Variants in TNFSF14 observed in about 807,000 individuals in gnomAD.
The protein encoded by TNFSF14 is TNF superfamily member 14, also known as tumor necrosis factor ligand superfamily member 14.
In TNFSF14, 15 loss-of-function variants were observed where a neutral mutation model predicts 22.7. That is an observed-to-expected ratio of 0.66 (90% CI 0.44 to 1.02). The LOEUF (loss-of-function observed/expected upper bound fraction) is 1.02. Ranked by LOEUF, TNFSF14 falls within the 50% of genes least tolerant of loss-of-function variation. The probability of loss-of-function intolerance (pLI) is 0.00; values close to 1 mark genes in which losing one functional copy is unlikely to be tolerated. For missense variants in TNFSF14, 287 were observed against 326.2 expected (o/e 0.88, Z 0.93); for synonymous variants, 133 against 139.6 (o/e 0.95, Z 0.33).
At chr19:6,669,255 G>A (rs1418085044) in intron 1 of TNFSF14, among the ~76,000 whole-genome samples, 6 of 152,224 alleles carry the variant, frequency 3.9e-5, no homozygotes, top group Admixed American at 1.3e-4. Context: ...AGGCTGAGGC[G>A]GGTGGATCTC....
chr19:6,664,999 A>G lies in TNFSF14; in HGVS notation c.650T>C (p.Val217Ala). 1 of 1,613,538 alleles carries G rather than the reference A, an allele frequency of 6.2e-7. No individual in the cohort carries two copies. Among genetic ancestry groups the G allele is most frequent in the Non-Finnish European group, 8.5e-7 (1 of 1,179,600 alleles). The stretch of plus-strand genomic sequence containing the variant: ...AACCAGGCGTTCATCCAGCACACGG[A>G]CGACCACCTTCTCCCCAGCCTCCAG... The part of the protein sequence containing the change: ...VHLEAGEKVV[V>A]RVLDERLVRL... The change falls in exon 4 of 4, where the codon GTC becomes GCC. Residue 217 changes from valine (V) to alanine (A), a missense_variant. Coordinates refer to ENST00000675206, the MANE Select transcript of TNFSF14 (RefSeq NM_001376887.1). This position sits in a 1 kb window ranked among gnomAD's most constrained non-coding sequence, Gnocchi z 4.7.
At chr19:6,670,427 C>A (rs778292631), upstream of TNFSF14, 21 of 376,434 alleles carry the variant, frequency 5.6e-5, no homozygotes, top group Non-Finnish European at 8.7e-5. Flanking sequence ...CCATGCCAGG[C>A]TCTGCTCTCG....
In TNFSF14 at chr19:6,665,363, G is replaced by C; in HGVS notation, c.299-13C>G. ...CTGGAGTTGGCCCCTGTTGGGAAGA[G>C]AGAGACAAAGGGGGCTGCCGGTCAG... is the stretch of plus-strand genomic sequence containing the variant. On this transcript the variant is annotated splice_polypyrimidine_tract_variant and intron_variant, in intron 3 of 3. Transcript: ENST00000675206. 6.5e-7 allele frequency: 1 copy of C among 1,538,852 alleles called. No homozygotes were observed. Among genetic ancestry groups the C allele is most frequent in the Non-Finnish European group, 8.7e-7 (1 of 1,144,202 alleles).
intron 3 of TNFSF14, among the ~76,000 whole-genome samples, chr19:6,666,422 A>C (rs1248796456): frequency 6.6e-6 from 1 of 151,910 alleles, no homozygotes; most frequent in African/African-American, 2.4e-5. Flanking sequence ...AAATGTCCAA[A>C]CATGCAAGTT....
At chr19:6,667,364 G>A in intron 2 of TNFSF14, 49 bp downstream of exon 2, 1 of 1,506,740 alleles carries the variant, frequency 6.6e-7, no homozygotes, top group South Asian at 1.3e-5. Flanking sequence ...GGTGGGGGTG[G>A]CATGGGAATC....
At position 6,665,275 on chromosome 19, in the gene TNFSF14, C is replaced by T. The variant is rs749922391; in HGVS notation, c.374G>A (p.Gly125Asp). 5 of 1,613,484 alleles carry T rather than the reference C, an allele frequency of 3.1e-6. No homozygotes were observed. In the South Asian group the frequency reaches 3.3e-5, roughly 11 times the overall value. ...AAGGGCCCCATCGTGGTAGCTGAGG[C>T]CCCTCAGGAAGGCCAGGCCCAGCTG... ...ETQLGLAFLR[G>D]LSYHDGALVV... The change falls in exon 4 of 4, where the codon GGC becomes GAC. Residue 125 changes from glycine to aspartate, a missense_variant. Gly to Asp is a moderately conservative substitution (Grantham distance 94). Transcript: ENST00000675206.
intron 3 of TNFSF14, 90 bp from the exon 4 acceptor site, chr19:6,665,440 G>C: frequency 1.5e-6 from 2 of 1,342,300 alleles, no homozygotes; most frequent in South Asian, 1.5e-5. Flanking sequence ...ACAGAGTCTC[G>C]CTCTGTGGAC....
In TNFSF14 at chr19:6,664,100, C is replaced by T. The variant is rs189420925; in HGVS notation, c.*826G>A. The T allele has an allele frequency of 6.0e-4, 91 of 152,354 alleles. No homozygotes were observed. The highest frequency in any genetic ancestry group is 2.2e-3 in the African/African-American group (91 of 41,530). 9.4% of individuals were successfully genotyped at this position (152,354 alleles called of 1,614,324 possible). ...TTGTGACCAGGCTGAGGTGTGGCCA[C>T]CAGTCTGTGGGTGGGATCTGAGTAT... On this transcript the variant is annotated 3_prime_UTR_variant, in exon 4 of 4. Transcript: ENST00000675206. This position sits in a 1 kb window ranked among gnomAD's most constrained non-coding sequence, Gnocchi z 4.7.
rs993387144 is a variant in TNFSF14 at position 6,670,126 on chromosome 19, C to T, written c.-57G>A. Reference sequence around the variant, plus strand: ...CTGGGTCCTTCAACCTCAGAGGAAACCGAAATTGCTCAACACTCCTGGGCT... The same window carrying T: ...CTGGGTCCTTCAACCTCAGAGGAAATCGAAATTGCTCAACACTCCTGGGCT... On this transcript the variant is annotated 5_prime_UTR_variant, in exon 1 of 4. Coordinates refer to ENST00000675206, the MANE Select transcript of TNFSF14 (RefSeq NM_001376887.1). 14 of 1,596,106 alleles carry T rather than the reference C, an allele frequency of 8.8e-6. No individual in the cohort carries two copies. The African/African-American group carries it at 1.9e-4, about 21-fold the overall frequency.
chr19:6,667,504 G>A (rs977485883), intron 1 of TNFSF14, 55 bp from the exon 2 acceptor site: 85 of 1,554,412 alleles, frequency 5.5e-5, no homozygotes, highest in Admixed American at 6.7e-5. Context: ...CCACGCCCTC[G>A]CATTGCTCAC....
At position 6,665,140 on chromosome 19, in the gene TNFSF14, G is replaced by A; in HGVS notation, c.509C>T (p.Thr170Ile). The A allele has an allele frequency of 6.2e-7, 1 of 1,614,032 alleles. No homozygotes were observed. The stretch of plus-strand genomic sequence containing the variant: ...CTCCAGCTCCTCGGGGTAGCGGGGT[G>A]TGCGCTTGTAGAGGCCGTGGGTGAT... ...STITHGLYKRTPRYPEELELL... is the reference protein window; with the variant it reads ...STITHGLYKRIPRYPEELELL... Residue 170 changes from threonine (T) to isoleucine (I), a missense_variant, in exon 4 of 4, where the codon ACA becomes ATA. Coordinates refer to ENST00000675206, the MANE Select transcript of TNFSF14 (RefSeq NM_001376887.1).
Position 6,669,977 on chromosome 19 carries a change from C to A in TNFSF14, c.93G>T (p.Gln31His). 6.2e-7 allele frequency: 1 copy of A among 1,614,228 alleles called. No homozygotes were observed. Among genetic ancestry groups the A allele is most frequent in the Non-Finnish European group, 8.5e-7 (1 of 1,180,044 alleles). Residue 31 changes from glutamine to histidine, a missense_variant, in exon 1 of 4, where the codon CAG (glutamine) becomes CAT (histidine). Transcript: ENST00000675206. ...FTRLGRSHRRQSCSVARVGLG... is the reference protein window; with the variant it reads ...FTRLGRSHRRHSCSVARVGLG... ...GACCCACCCGGGCCACACTGCACGA[C>A]TGTCTCCGGTGGCTTCGTCCCAGCC...
At chr19:6,665,782 TGC>T (rs1023705691) in intron 3 of TNFSF14, among the ~76,000 whole-genome samples, 5 of 130,482 alleles carry the variant, frequency 3.8e-5, no homozygotes, top group Admixed American at 1.5e-4. Flanking sequence ...TGTGCATGTG[TGC>T]GTGTGTGTGT....
rs1408237489 is a variant in TNFSF14 at position 6,661,576 on chromosome 19, GC to G, written c.*3349del. On this transcript the variant is annotated 3_prime_UTR_variant, in exon 4 of 4. Coordinates refer to ENST00000675206, the MANE Select transcript of TNFSF14 (RefSeq NM_001376887.1). ...TTGTCACAGTATCTTATCAGTAATC[GC>G]ATTCTTGGATGTGCTGGGAGTCAGC... 2 of 152,132 alleles carry G rather than the reference GC, an allele frequency of 1.3e-5. No individual in the cohort carries two copies. Among genetic ancestry groups the G allele is most frequent in the African/African-American group, 4.8e-5 (2 of 41,390 alleles). 9.4% of individuals were successfully genotyped at this position (152,132 alleles called of 1,614,324 possible).
chr19:6,667,574 G>A, intron 1 of TNFSF14, 125 bp from the exon 2 acceptor site: 2 of 1,032,832 alleles, frequency 1.9e-6, no homozygotes, highest in Non-Finnish European at 2.7e-6. Flanking sequence ...ACGTACACAG[G>A]GCCACATACT....
Position 6,665,322 on chromosome 19 carries a change from C to G in TNFSF14, c.327G>C (p.Gly109=), listed in dbSNP as rs1917384032. The G allele has an allele frequency of 6.3e-7, 1 of 1,597,188 alleles. No individual in the cohort carries two copies. Among genetic ancestry groups the G allele is most frequent in the African/African-American group, 1.3e-5 (1 of 74,674 alleles). ...TGANSSLTGS[G]GPLLWETQLG... ...GCTGAGTCTCCCATAACAGCGGCCC[C>G]CCGCTGCCGGTCAAGCTGGAGTTGG... Residue 109 remains glycine (G), a synonymous_variant, in exon 4 of 4, where the codon GGG becomes GGC. Coordinates refer to ENST00000675206, the MANE Select transcript of TNFSF14 (RefSeq NM_001376887.1).
In TNFSF14 at chr19:6,664,728, T is replaced by C. The variant is rs926822765; in HGVS notation, c.*198A>G. ...CTAATTTTTGTATTTTTAGTAGAGA[T>C]GGGGTTTTGCCATGTTAGCCAGGCT... On this transcript the variant is annotated 3_prime_UTR_variant, in exon 4 of 4. Transcript: ENST00000675206. The surrounding 1 kb of genome is among the most constrained non-coding windows in gnomAD (Gnocchi z 4.7). 5 of 561,746 alleles carry C rather than the reference T, an allele frequency of 8.9e-6. No individual in the cohort carries two copies. The highest frequency in any genetic ancestry group is 1.5e-5 in the Non-Finnish European group (5 of 326,596). The allele number at this position is 561,746 out of a possible 1,614,324, so 34.8% of individuals were successfully genotyped here. A position where few individuals can be genotyped will look rare whatever the true frequency, so the allele number is the denominator to read the frequency against.
upstream of TNFSF14, chr19:6,670,259 T>A: frequency 7.0e-7 from 1 of 1,434,802 alleles, no homozygotes; most frequent in Non-Finnish European, 9.1e-7. Flanking sequence ...GCCCCCGGTC[T>A]TGGCCCTGTC....
intron 3 of TNFSF14, among the ~76,000 whole-genome samples, chr19:6,666,153 G>A (rs938508496): frequency 6.6e-6 from 1 of 152,068 alleles, no homozygotes; most frequent in African/African-American, 2.4e-5. Flanking sequence ...AGCACTTTGG[G>A]AGGCTGAGAC....
Sources: gnomAD v4.1 joint callset for allele counts (sites outside exome capture counted in the v4.1 genomes callset) on GRCh38, gnomAD v4.1.1 for gene constraint, Gnocchi (gnomAD v3.1) non-coding constraint, MANE v1.5 for transcripts, NCBI Gene and HGNC (gene_info 2026-07-23, HGNC 2026-07-21) for gene names.